The following B4GALT4 variants were observed in gnomAD, a reference collection of about 807,000 sequenced individuals.
B4GALT4 encodes the protein beta-1,4-galactosyltransferase 4.
B4GALT4 carries 27 observed loss-of-function variants against 37.3 expected under a neutral mutation model. The observed-to-expected ratio is 0.72, with a 90% CI of 0.53 to 1.00. The LOEUF is 1.00. Among genes scored for constraint, B4GALT4 ranks in the 50% least tolerant of loss-of-function variants. B4GALT4 has a pLI of 0.00. For missense variants in B4GALT4, 372 were observed against 413.1 expected (o/e 0.90, Z 0.86); for synonymous variants, 148 against 154.1 (o/e 0.96, Z 0.29).
At chr3:119,223,980 T>C in intron 5 of B4GALT4, 78 bp downstream of exon 5, 3 of 1,397,476 alleles carry the variant, frequency 2.1e-6, no homozygotes, top group Non-Finnish European at 2.9e-6. Flanking sequence ...TATGACACTC[T>C]GGATGCTTGT....
At chr3:119,217,915 C>CA (rs2078339662) in intron 6 of B4GALT4, among the ~76,000 whole-genome samples, 1 of 151,212 alleles carries the variant, frequency 6.6e-6, no homozygotes, top group African/African-American at 2.4e-5. Context: ...GGCCTCCTGA[C>CA]ACCCAGAATG....
intron 1 of B4GALT4, among the ~76,000 whole-genome samples, chr3:119,238,598 T>C (rs2107555388): frequency 1.3e-5 from 2 of 152,322 alleles, no homozygotes; most frequent in South Asian, 4.1e-4. Flanking sequence ...TATCACAGCA[T>C]ATTGTAACTG....
chr3:119,230,923 T>C (rs1057370445), intron 2 of B4GALT4, among the ~76,000 whole-genome samples: 4 of 152,200 alleles, frequency 2.6e-5, no homozygotes, highest in African/African-American at 9.6e-5. Context: ...AAACTACAGC[T>C]CTACCACATA....
rs184763178 is a variant in B4GALT4, at chr3:119,222,071, C to T, written c.674+1987G>A. 7.2e-5 allele frequency among the ~76,000 whole-genome samples: 11 copies of T among 152,258 alleles called. No individual in the cohort carries two copies. The East Asian group carries it at 1.9e-3, about 27-fold the overall frequency. ...AATAGAAAGATAAAATCTAGAATCCCAGCAAAAAACCTGTCCTTAAGCAAT... is the reference window on the plus strand; with the variant it reads ...AATAGAAAGATAAAATCTAGAATCCTAGCAAAAAACCTGTCCTTAAGCAAT... On this transcript the variant is annotated intron_variant, in intron 5 of 7. Transcript: ENST00000393765.
At chr3:119,223,486 G>GTGGA (rs1246349961) in intron 5 of B4GALT4, among the ~76,000 whole-genome samples, 1 of 152,208 alleles carries the variant, frequency 6.6e-6, no homozygotes, top group Admixed American at 6.5e-5. Flanking sequence ...CTTCTTAAGG[G>GTGGA]TGGAGGGGAT....
chr3:119,239,652 G>A (rs980083597), intron 1 of B4GALT4, among the ~76,000 whole-genome samples: 2 of 152,144 alleles, frequency 1.3e-5, no homozygotes, highest in Non-Finnish European at 2.9e-5. Flanking sequence ...CTTAGATTAT[G>A]TAGTCAAACA....
chr3:119,224,269 T>C (rs1473740463), intron 4 of B4GALT4, 24 bp from the exon 5 acceptor site: 1 of 1,550,826 alleles, frequency 6.4e-7, no homozygotes, highest in African/African-American at 1.4e-5. Flanking sequence ...AATTAAAACT[T>C]GAAAAGCTCC....
At position 119,239,511 on chromosome 3, in the gene B4GALT4, G is replaced by GCATGCATCT. The variant is rs1319989825; in HGVS notation, c.-364+1330_-364+1338dup. ...GAGAAGGTTAGTTCCCAAAACATTT[G>GCATGCATCT]CATGCATCTCTGGAAAAGGCAGGCA... On this transcript the variant is annotated intron_variant, in intron 1 of 7. Coordinates refer to ENST00000393765, the MANE Select transcript of B4GALT4 (RefSeq NM_003778.4). Among the ~76,000 whole-genome samples the GCATGCATCT allele has an allele frequency of 9.3e-4, 142 of 152,146 alleles. 1 individual carries two copies. Among genetic ancestry groups the GCATGCATCT allele is most frequent in the Middle Eastern group, 3.4e-3 (1 of 294 alleles).
intron 7 of B4GALT4, chr3:119,214,682 T>G (rs2078245299): frequency 6.6e-6 from 1 of 152,224 alleles, no homozygotes; most frequent in African/African-American, 2.4e-5. Context: ...TATTCTGCCT[T>G]TCCTATAAAA....
chr3:119,236,815 C>T (rs2107548209), intron 2 of B4GALT4, 38 bp downstream of exon 2: 1 of 152,340 alleles, frequency 6.6e-6, no homozygotes, highest in South Asian at 2.1e-4. Flanking sequence ...CCCTTCAGTT[C>T]ACTAATATCA....
At chr3:119,218,598 G>A in intron 6 of B4GALT4, 52 bp downstream of exon 6, 1 of 1,611,396 alleles carries the variant, frequency 6.2e-7, no homozygotes, top group Non-Finnish European at 8.5e-7. Flanking sequence ...CAGGTCTCCA[G>A]AGCCACACTG....
intron 3 of B4GALT4, among the ~76,000 whole-genome samples, chr3:119,227,637 C>T (rs190749354): frequency 6.6e-6 from 1 of 152,306 alleles, no homozygotes; most frequent in Admixed American, 6.5e-5. Context: ...CAGACGTTTC[C>T]AATCGAGCAC....
At chr3:119,238,617 T>C (rs1313563786) in intron 1 of B4GALT4, among the ~76,000 whole-genome samples, 1 of 152,210 alleles carries the variant, frequency 6.6e-6, no homozygotes, top group African/African-American at 2.4e-5. Context: ...TGTTCTATTA[T>C]TAGATATTAT....
At position 119,230,540 on chromosome 3, in the gene B4GALT4, C is replaced by T. The variant is rs575080237; in HGVS notation, c.-145-296G>A. Among the ~76,000 whole-genome samples the T allele has an allele frequency of 3.3e-5, 5 of 152,190 alleles. No homozygotes were observed. The South Asian group carries it at 1.0e-3, about 31-fold the overall frequency. ...AAGGAGACAAGGAGACTGCAAAGACCTGAGCTGGACACAGCCTAAGACATA... is the reference window on the plus strand; with the variant it reads ...AAGGAGACAAGGAGACTGCAAAGACTTGAGCTGGACACAGCCTAAGACATA... On this transcript the variant is annotated intron_variant, in intron 2 of 7. Coordinates refer to ENST00000393765, the MANE Select transcript of B4GALT4 (RefSeq NM_003778.4).
intron 7 of B4GALT4, 170 bp downstream of exon 7, chr3:119,216,070 G>A (rs935878903): frequency 1.9e-5 from 8 of 414,644 alleles, no homozygotes; most frequent in Non-Finnish European, 3.4e-5. Context: ...AACTGTAGAC[G>A]TGAGGGTTCA....
Position 119,229,885 on chromosome 3 carries a change from A to G in B4GALT4, c.215T>C (p.Val72Ala), listed in dbSNP as rs2107521909. The G allele has an allele frequency of 1.9e-6, 3 of 1,614,186 alleles. No homozygotes were observed. The highest frequency in any genetic ancestry group is 2.5e-6 in the Non-Finnish European group (3 of 1,180,018). The change falls in exon 3 of 8, where the codon GTA becomes GCA. Residue 72 changes from valine (V) to alanine (A), a missense_variant. By Grantham distance (64) the Val-to-Ala change is moderately conservative. Transcript: ENST00000393765. ...TLTNEASTKK[V>A]ELDNCPSVSP... ...CACAGAAGGGCAGTTGTCAAGTTCT[A>G]CCTTCTTCGTGGATGCTTCATTAGT...
chr3:119,213,435 T>A (rs1404391185), intron 7 of B4GALT4: 1 of 152,218 alleles, frequency 6.6e-6, no homozygotes, highest in Non-Finnish European at 1.5e-5. Flanking sequence ...AGATGCATAA[T>A]GTTCAGCTAA....
At chr3:119,221,733 A>T (rs1362831942) in intron 5 of B4GALT4, among the ~76,000 whole-genome samples, 1 of 152,220 alleles carries the variant, frequency 6.6e-6, no homozygotes, top group Non-Finnish European at 1.5e-5. Context: ...TGCAAATAAG[A>T]TTCTTTTCAA....
chr3:119,227,063 G>A, intron 3 of B4GALT4, 22 bp from the exon 4 acceptor site: 1 of 1,599,946 alleles, frequency 6.3e-7, no homozygotes, highest in Middle Eastern at 1.7e-4. Context: ...ATAGGACACA[G>A]ACAATAACAG....
Sources: allele counts gnomAD v4.1 joint callset (sites outside exome capture counted in the v4.1 genomes callset), GRCh38; gene constraint gnomAD v4.1.1; transcripts MANE v1.5; gene names NCBI Gene and HGNC (gene_info 2026-07-23, HGNC 2026-07-21).